The following IL12RB1 variants were observed in gnomAD, a reference collection of about 807,000 sequenced individuals.
IL12RB1 encodes interleukin-12 receptor subunit beta-1.
IL12RB1 carries 64 observed loss-of-function variants against 94.4 expected under a neutral mutation model. The ratio of observed to expected loss-of-function variants is 0.68; its 90% CI spans 0.55 to 0.83. IL12RB1 has a LOEUF of 0.83. Among genes scored for constraint, IL12RB1 ranks in the 40% least tolerant of loss-of-function variants. The probability of loss-of-function intolerance (pLI) is 0.00; values close to 1 mark genes in which losing one functional copy is unlikely to be tolerated. For missense variants in IL12RB1, 814 were observed against 855.6 expected, an observed-to-expected ratio of 0.95 and a Z score of 0.61; for synonymous variants, 362 against 355.5, an observed-to-expected ratio of 1.02 and a Z score of -0.21.
upstream of IL12RB1, among the ~76,000 whole-genome samples, chr19:18,088,873 T>C (rs890595559): frequency 3.3e-5 from 5 of 151,806 alleles, no homozygotes; most frequent in African/African-American, 1.2e-4. Flanking sequence ...CTACTAAAAA[T>C]ACAAAAATTT....
intron 1 of IL12RB1, among the ~76,000 whole-genome samples, chr19:18,097,210 C>T (rs2146662050): frequency 1.3e-5 from 2 of 152,206 alleles, no homozygotes; most frequent in South Asian, 4.1e-4. Flanking sequence ...CAGAGTCTCG[C>T]TCTGTCGCCC....
rs745415631 is a variant in IL12RB1, at chr19:18,080,828, T to C, written c.409+4A>G. The C allele has an allele frequency of 6.3e-7, 1 of 1,597,514 alleles. No homozygotes were observed. Among genetic ancestry groups the C allele is most frequent in the South Asian group, 1.1e-5 (1 of 90,778 alleles). The stretch of plus-strand genomic sequence containing the variant: ...AACGGACGGGGGGAGAACAAGGTGC[T>C]AACCTGAGTTGTAGAGCTGCAGGGT... On this transcript the variant is annotated splice_donor_region_variant and intron_variant, in intron 4 of 16. Coordinates refer to ENST00000593993, the MANE Select transcript of IL12RB1 (RefSeq NM_005535.3).
At position 18,072,118 on chromosome 19, in the gene IL12RB1, G is replaced by A; in HGVS notation, c.1015C>T (p.His339Tyr). Reference sequence around the variant, plus strand: ...CCCCACCCAGAGGAGGCACCTGTGTGGGTGTCGGCAGGAATGTGCCACGTC... The same window carrying A: ...CCCCACCCAGAGGAGGCACCTGTGTAGGTGTCGGCAGGAATGTGCCACGTC... ...NQTWHIPADT[H>Y]TEPVALNISV... The change falls in exon 9 of 17, where the codon CAC becomes TAC. Residue 339 changes from histidine to tyrosine, a missense_variant. Coordinates refer to ENST00000593993, the MANE Select transcript of IL12RB1 (RefSeq NM_005535.3). 1 of 1,610,408 alleles carries A rather than the reference G, an allele frequency of 6.2e-7. No homozygotes were observed. Among genetic ancestry groups the A allele is most frequent in the Non-Finnish European group, 8.5e-7 (1 of 1,176,668 alleles).
chr19:18,096,083 C>T (rs533583150), intron 1 of IL12RB1, among the ~76,000 whole-genome samples: 1 of 151,928 alleles, frequency 6.6e-6, no homozygotes, highest in Non-Finnish European at 1.5e-5. Context: ...AAAAAATTAG[C>T]CAGGCATGGT....
rs1344914287 is a variant in IL12RB1 at position 18,068,521 on chromosome 19, A to G, written c.1195T>C (p.Tyr399His). The change falls in exon 11 of 17, where the codon TAC (tyrosine) becomes CAC (histidine). Residue 399 changes from tyrosine to histidine, a missense_variant. Coordinates refer to ENST00000593993, the MANE Select transcript of IL12RB1 (RefSeq NM_005535.3). The stretch of plus-strand genomic sequence containing the variant: ...GCCCCAGACTCTCGACTCCAGCTGT[A>G]GGTTGCTGGAAGGATAAGCAAAGGC... ...QDPDPAGMAT[Y>H]SWSRESGAMG... 1 of 1,611,796 alleles carries G rather than the reference A, an allele frequency of 6.2e-7. No homozygotes were observed. The highest frequency in any genetic ancestry group is 8.5e-7 in the Non-Finnish European group (1 of 1,178,124).
intron 1 of IL12RB1, among the ~76,000 whole-genome samples, chr19:18,093,270 C>T (rs555462184): frequency 6.6e-6 from 1 of 151,922 alleles, no homozygotes; most frequent in Admixed American, 6.6e-5. Flanking sequence ...TGCTCCACTG[C>T]ACTTCAGCCT....
chr19:18,063,135 G>A (rs1389936046), intron 13 of IL12RB1, among the ~76,000 whole-genome samples: 9 of 112,398 alleles, frequency 8.0e-5, no homozygotes, highest in Admixed American at 5.1e-4. Flanking sequence ...TTGCTCCGTC[G>A]CCCAGGCCAG....
chr19:18,077,190 T>C (rs145181542), intron 5 of IL12RB1, among the ~76,000 whole-genome samples: 1 of 152,084 alleles, frequency 6.6e-6, no homozygotes, highest in Non-Finnish European at 1.5e-5. Flanking sequence ...AAACCCCGTC[T>C]CTACTAAAAA....
chr19:18,064,988 G>A lies in IL12RB1; in HGVS notation c.1484-978C>T, dbSNP rs867142658. Among the ~76,000 whole-genome samples the A allele has an allele frequency of 7.9e-5, 12 of 152,226 alleles. No homozygotes were observed. The South Asian group carries it at 1.5e-3, about 18-fold the overall frequency. ...TCCACGGCAATGATCCCACAACCCG[G>A]AAGTTACTACCTTCATCCTAGATAT... On this transcript the variant is annotated intron_variant, in intron 12 of 16. Coordinates refer to ENST00000593993, the MANE Select transcript of IL12RB1 (RefSeq NM_005535.3).
At chr19:18,073,074 A>G (rs1337554638) in intron 8 of IL12RB1, among the ~76,000 whole-genome samples, 1 of 152,164 alleles carries the variant, frequency 6.6e-6, no homozygotes, top group African/African-American at 2.4e-5. Flanking sequence ...TGACTATGGT[A>G]AAGTCAACGA....
intron 13 of IL12RB1, among the ~76,000 whole-genome samples, chr19:18,063,512 C>T (rs75242136): frequency 3.3e-5 from 5 of 152,302 alleles, no homozygotes; most frequent in South Asian, 2.1e-4. Context: ...ACCCCAACCC[C>T]GCAGTGTCAG....
intron 9 of IL12RB1, chr19:18,070,762 GACACCTGTCTCT>G (rs1274836553): frequency 6.8e-6 from 1 of 146,672 alleles, no homozygotes; most frequent in Non-Finnish European, 1.5e-5. Flanking sequence ...AACGTAGAGA[GACACCTGTCTCT>G]ACAAAAAATA....
At chr19:18,063,767 A>T in intron 13 of IL12RB1, 109 bp downstream of exon 13, 1 of 987,742 alleles carries the variant, frequency 1.0e-6, no homozygotes, top group Non-Finnish European at 1.5e-6. Context: ...TGAGGGCAGT[A>T]GGGAGCCATA....
chr19:18,088,072 G>C (rs373727213), upstream of IL12RB1, among the ~76,000 whole-genome samples: 1 of 151,810 alleles, frequency 6.6e-6, no homozygotes, highest in East Asian at 1.9e-4. Context: ...AAACAACATA[G>C]CAAGACCCCA....
In IL12RB1 at chr19:18,059,260, G is replaced by A. The variant is rs2033948541; in HGVS notation, c.*348C>T. On this transcript the variant is annotated 3_prime_UTR_variant, in exon 17 of 17. Transcript: ENST00000593993. ...CCCCGCAATGCTGCAGGGAGCCCTT[G>A]AGTCCAGACTCCCCATCCAGTGCTC... 2 of 411,008 alleles carry A rather than the reference G, an allele frequency of 4.9e-6. No individual in the cohort carries two copies. Among genetic ancestry groups the A allele is most frequent in the Non-Finnish European group, 9.1e-6 (2 of 220,906 alleles). 25.5% of individuals were successfully genotyped at this position (411,008 alleles called of 1,614,324 possible).
chr19:18,071,313 A>C (rs1207399265), intron 9 of IL12RB1: 14 of 691,198 alleles, frequency 2.0e-5, no homozygotes, highest in Non-Finnish European at 2.7e-5. Flanking sequence ...CGGAGGTTGC[A>C]GTGAGCTGAG....
At chr19:18,071,348 A>T in intron 9 of IL12RB1, 1 of 962,018 alleles carries the variant, frequency 1.0e-6, no homozygotes, top group Non-Finnish European at 1.4e-6. Flanking sequence ...CACAAGAAAA[A>T]AAAGAAATTA....
upstream of IL12RB1, among the ~76,000 whole-genome samples, chr19:18,090,196 A>G (rs1462334763): frequency 2.0e-5 from 3 of 152,272 alleles, no homozygotes; most frequent in Middle Eastern, 3.4e-3. Context: ...CTCCATCTCT[A>G]CAAAAAATAA....
At chr19:18,079,802 C>T (rs2035755893) in intron 4 of IL12RB1, among the ~76,000 whole-genome samples, 1 of 151,872 alleles carries the variant, frequency 6.6e-6, no homozygotes, top group Admixed American at 6.6e-5. Context: ...GAGGCTGAGG[C>T]AGGAGAATGG....
Sources: allele counts gnomAD v4.1 joint callset (sites outside exome capture counted in the v4.1 genomes callset), GRCh38; gene constraint gnomAD v4.1.1; transcripts MANE v1.5; gene names NCBI Gene and HGNC (gene_info 2026-07-23, HGNC 2026-07-21).